NHERF2: variants seen among roughly 807,000 people sequenced by gnomAD.
NHERF2 encodes Na(+)/H(+) exchange regulatory cofactor NHE-RF2.
At chr16:2,035,280 A>C in the NHERF2 span, 2 of 453,948 alleles carry the variant, frequency 4.4e-6, no homozygotes, top group African/African-American at 2.2e-5. Flanking sequence ...TTTCTGGTCC[A>C]TTGGGGTTTG....
chr16:2,036,239 T>C, the NHERF2 span: 6 of 1,377,650 alleles, frequency 4.4e-6, no homozygotes, highest in East Asian at 1.5e-4. Flanking sequence ...GGTACCGAGT[T>C]TGGGCAGTGG....
the NHERF2 span, chr16:2,037,468 CTG>C: frequency 1.5e-6 from 2 of 1,357,918 alleles, no homozygotes; most frequent in Non-Finnish European, 2.1e-6. Context: ...GGGTGTGCCT[CTG>C]TGCACATGTG....
the NHERF2 span, among the ~76,000 whole-genome samples, chr16:2,028,133 C>T: frequency 1.3e-5 from 2 of 152,248 alleles, no homozygotes; most frequent in Non-Finnish European, 2.9e-5. Flanking sequence ...TCCCCTGTCC[C>T]TCACAGCACC....
At chr16:2,035,610 C>CT in the NHERF2 span, 1 of 986,386 alleles carries the variant, frequency 1.0e-6, no homozygotes, top group Non-Finnish European at 1.2e-6. Context: ...CACCCTGGCC[C>CT]ACCCCCTGGC....
the NHERF2 span, chr16:2,037,056 C>T: frequency 6.5e-7 from 1 of 1,529,760 alleles, no homozygotes. Context: ...CCAGGCCCGA[C>T]AGAGGCCCCC....
the NHERF2 span, chr16:2,033,385 C>T: frequency 4.4e-4 from 668 of 1,533,316 alleles, 4 homozygotes; most frequent in African/African-American, 8.0e-3. Context: ...GCCACCTGCC[C>T]GGGCTCCGGG....
At chr16:2,037,589 A>G in the NHERF2 span, 1 of 1,612,840 alleles carries the variant, frequency 6.2e-7, no homozygotes, top group African/African-American at 1.3e-5. Context: ...TGGTTCCGAC[A>G]AGGACACTGA....
chr16:2,038,416 T>A, the NHERF2 span: 1 of 58,718 alleles, frequency 1.7e-5, no homozygotes, highest in Non-Finnish European at 3.5e-5. Context: ...CCCCTTCCCC[T>A]CCCCCTTCCC....
At chr16:2,032,941 G>A in the NHERF2 span, 1 of 1,088,474 alleles carries the variant, frequency 9.2e-7, no homozygotes, top group Non-Finnish European at 1.1e-6. This position sits in a 1 kb window ranked among gnomAD's most constrained non-coding sequence, Gnocchi z 4.0. Context: ...CAGTTCTGCG[G>A]GAGGCGGCTG....
chr16:2,029,772 C>A, the NHERF2 span: 11 of 1,552,570 alleles, frequency 7.1e-6, no homozygotes, highest in Non-Finnish European at 8.7e-6. Flanking sequence ...AGCTCCGAAG[C>A]TGGCAAGAAG....
At chr16:2,036,904 G>A in the NHERF2 span, 1 of 1,594,170 alleles carries the variant, frequency 6.3e-7, no homozygotes, top group Non-Finnish European at 8.5e-7. Flanking sequence ...CCAGGGCACA[G>A]GGTGGGTGCG....
At chr16:2,037,689 G>T in the NHERF2 span, 1 of 1,562,056 alleles carries the variant, frequency 6.4e-7, no homozygotes. Flanking sequence ...CCGGGCAGTG[G>T]GGTCTCTGTT....
At chr16:2,032,022 CTT>C in the NHERF2 span, among the ~76,000 whole-genome samples, 22,492 of 141,674 alleles carry the variant, frequency 0.16, 2,076 homozygotes, top group Non-Finnish European at 0.23. The surrounding 1 kb of genome is among the most constrained non-coding windows in gnomAD (Gnocchi z 4.0). Flanking sequence ...TTCTTTCTTT[CTT>C]TTTTTTTTTT....
At chr16:2,033,637 G>A in the NHERF2 span, among the ~76,000 whole-genome samples, 2 of 152,202 alleles carry the variant, frequency 1.3e-5, no homozygotes, top group African/African-American at 4.8e-5. Context: ...TCCGGACACA[G>A]GCATGGCTGG....
At chr16:2,038,056 T>C in the NHERF2 span, 1 of 1,558,178 alleles carries the variant, frequency 6.4e-7, no homozygotes, top group Non-Finnish European at 8.7e-7. Context: ...TGCCCCGAGC[T>C]CCCCCAGCCT....
chr16:2,029,321 C>A, the NHERF2 span, among the ~76,000 whole-genome samples: 8 of 149,910 alleles, frequency 5.3e-5, 1 homozygote, highest in South Asian at 8.4e-4. Context: ...CTGGAGAAGA[C>A]CCTGGGCTAA....
At chr16:2,026,990 G>C in the NHERF2 span, 1 of 1,086,156 alleles carries the variant, frequency 9.2e-7, no homozygotes, top group East Asian at 5.2e-5. Context: ...CGGGCGGCCG[G>C]TGGGCAGCGG....
the NHERF2 span, chr16:2,036,273 T>G: frequency 6.5e-7 from 1 of 1,527,446 alleles, no homozygotes; most frequent in Non-Finnish European, 8.9e-7. Flanking sequence ...GAGTGGCCTC[T>G]GGAGGCGGGA....
At chr16:2,036,669 A>G in the NHERF2 span, 25 of 1,590,572 alleles carry the variant, frequency 1.6e-5, no homozygotes, top group Non-Finnish European at 2.1e-5. Context: ...ACACCTGGCC[A>G]CGCGGCGTTG....
Sources: allele counts gnomAD v4.1 joint callset (sites outside exome capture counted in the v4.1 genomes callset), GRCh38; gene constraint gnomAD v4.1.1; non-coding constraint Gnocchi (gnomAD v3.1); transcripts MANE v1.5; gene names NCBI Gene and HGNC (gene_info 2026-07-23, HGNC 2026-07-21).